The following MED24 variants were observed in gnomAD, a reference collection of about 807,000 sequenced individuals.
The protein encoded by MED24 is mediator complex subunit 24.
Under a neutral mutation model 118.8 loss-of-function variants are expected in MED24, and 74 were observed. The observed-to-expected ratio is 0.62, with a 90% CI of 0.52 to 0.76. The LOEUF is 0.76. Among genes scored for constraint, MED24 ranks in the 30% least tolerant of loss-of-function variants. The pLI is 0.00. For missense variants in MED24, 1,041 were observed against 1,278.9 expected, an observed-to-expected ratio of 0.81 and a Z score of 2.84; for synonymous variants, 521 against 523.9, an observed-to-expected ratio of 0.99 and a Z score of 0.08.
Position 40,023,311 on chromosome 17 carries a change from G to A in MED24, c.2070C>T (p.Thr690=), listed in dbSNP as rs73305019. The A allele has an allele frequency of 1.1e-3, 1,854 of 1,614,018 alleles. 27 individuals are homozygous for A. The African/African-American group carries it at 0.021, about 18-fold the overall frequency. The change falls in exon 20 of 26, where the codon ACC becomes ACT. Residue 690 remains threonine, a synonymous_variant. Transcript: ENST00000394128. The part of the protein sequence containing the change: ...QTATQIKFPS[T]GVDTMPYWNL... ...TCCAGTAGGGCATTGTGTCCACCCC[G>A]GTGGAGGGAAACTTGATCTGCGTGG... is the stretch of plus-strand genomic sequence containing the variant.
Position 40,022,727 on chromosome 17 carries a change from G to A in MED24, c.2350C>T (p.Leu784=), listed in dbSNP as rs1711840675. 1 of 1,613,950 alleles carries A rather than the reference G, an allele frequency of 6.2e-7. No homozygotes were observed. The highest frequency in any genetic ancestry group is 8.5e-7 in the Non-Finnish European group (1 of 1,179,976). Residue 784 remains leucine (L), a synonymous_variant, in exon 21 of 26, where the codon CTG becomes TTG. Transcript: ENST00000394128. ...AGCAGGCCAGGTAGGATGTGGCCCA[G>A]CAGGACCAGGGTCACTTGCTGCATG... ...LDMQQVTLVL[L]GHILPGLLTD...
In MED24 at chr17:40,032,736, C is replaced by T. The variant is rs1165397910; in HGVS notation, c.849G>A (p.Leu283=). 1.2e-6 allele frequency: 2 copies of T among 1,613,696 alleles called. No individual in the cohort carries two copies. Among genetic ancestry groups the T allele is most frequent in the African/African-American group, 2.7e-5 (2 of 74,892 alleles). Residue 283 remains leucine (L), a synonymous_variant, in exon 9 of 26, where the codon CTG becomes CTA. Coordinates refer to ENST00000394128, the MANE Select transcript of MED24 (RefSeq NM_014815.4). Reference sequence around the variant, plus strand: ...CCACGAAGCAAGCTTTCCAGATCTCCAGGACAAAAAGTGGGGTGGGGATAT... The same window carrying T: ...CCACGAAGCAAGCTTTCCAGATCTCTAGGACAAAAAGTGGGGTGGGGATAT... ...MQHIPTPLFV[L]EIWKACFVGL...
Position 40,048,065 on chromosome 17 carries a change from T to C in MED24, c.213+5233A>G, listed in dbSNP as rs79661439. ...GTATGTTATGCTATGTTAATTAAAATATGTATATTTTTACGGAAGTCTTGT... is the reference window on the plus strand; with the variant it reads ...GTATGTTATGCTATGTTAATTAAAACATGTATATTTTTACGGAAGTCTTGT... On this transcript the variant is annotated intron_variant, in intron 3 of 25. Transcript: ENST00000394128. 4.1e-4 allele frequency among the ~76,000 whole-genome samples: 62 copies of C among 152,392 alleles called. 1 individual carries two copies. In the East Asian group the frequency reaches 0.012, roughly 29 times the overall value.
At chr17:40,035,651 T>TAGG in intron 5 of MED24, 71 bp downstream of exon 5, 4 of 1,524,896 alleles carry the variant, frequency 2.6e-6, no homozygotes, top group Non-Finnish European at 3.6e-6. Context: ...GTCTGTGTGC[T>TAGG]AGGAGCTGCA....
At position 40,022,449 on chromosome 17, in the gene MED24, G is replaced by A. The variant is rs374553629; in HGVS notation, c.2468C>T (p.Ser823Phe). 5 of 1,610,708 alleles carry A rather than the reference G, an allele frequency of 3.1e-6. No homozygotes were observed. The African/African-American group carries it at 6.7e-5, about 22-fold the overall frequency. Residue 823 changes from serine to phenylalanine, a missense_variant, in exon 22 of 26, where the codon TCC becomes TTC. Coordinates refer to ENST00000394128, the MANE Select transcript of MED24 (RefSeq NM_014815.4). ...AVWCALSSYS[S>F]HKGQASTRQK... Reference sequence around the variant, plus strand: ...GCGGGTGGACGCCTGTCCCTTGTGGGAGGAGTAGGAACTGAGGGCACACCA... The same window carrying A: ...GCGGGTGGACGCCTGTCCCTTGTGGAAGGAGTAGGAACTGAGGGCACACCA...
In MED24 at chr17:40,026,207, T is replaced by C. The variant is rs200910791; in HGVS notation, c.1934A>G (p.Gln645Arg). 3.1e-6 allele frequency: 5 copies of C among 1,614,232 alleles called. No individual in the cohort carries two copies. The highest frequency in any genetic ancestry group is 4.2e-6 in the Non-Finnish European group (5 of 1,180,052). ...EREKSLQMIRQLAGPLFSENT... is the reference protein window; with the variant it reads ...EREKSLQMIRRLAGPLFSENT... ...CTCACTAAACAGTGGCCCTGCCAGC[T>C]GGCGGATCATCTGCAGCGACTTCTC... Residue 645 changes from glutamine (Q) to arginine (R), a missense_variant, in exon 19 of 26, where the codon CAG becomes CGG. Coordinates refer to ENST00000394128, the MANE Select transcript of MED24 (RefSeq NM_014815.4).
At chr17:40,040,405 G>A (rs2144947266) in intron 3 of MED24, among the ~76,000 whole-genome samples, 2 of 151,940 alleles carry the variant, frequency 1.3e-5, no homozygotes, top group Middle Eastern at 6.8e-3. Context: ...TTGCAGAGAT[G>A]GGGTTTTGCC....
In MED24 at chr17:40,031,564, C is replaced by G. The variant is rs1463974420; in HGVS notation, c.1041G>C (p.Leu347Phe). The change falls in exon 11 of 26, where the codon TTG becomes TTC. Residue 347 changes from leucine to phenylalanine, a missense_variant. Around this residue, in one of 3 missense-constraint regions of MED24, gnomAD observed 434 missense variants for 514.9 expected, o/e 0.84. Coordinates refer to ENST00000394128, the MANE Select transcript of MED24 (RefSeq NM_014815.4). ...AFEFLLKLTP[L>F]LDKADQRCNC... ...TGCAGCGCTGGTCAGCTTTGTCCAACAAGGGGGTGAGCTTCAGCAGGAACT... is the reference window on the plus strand; with the variant it reads ...TGCAGCGCTGGTCAGCTTTGTCCAAGAAGGGGGTGAGCTTCAGCAGGAACT... The G allele has an allele frequency of 6.2e-7, 1 of 1,614,204 alleles. No homozygotes were observed. The highest frequency in any genetic ancestry group is 8.5e-7 in the Non-Finnish European group (1 of 1,180,030).
intron 3 of MED24, among the ~76,000 whole-genome samples, chr17:40,044,466 G>A (rs1347383661): frequency 2.0e-5 from 3 of 151,818 alleles, no homozygotes; most frequent in African/African-American, 4.8e-5. Context: ...GTTGCAGTGA[G>A]CCAAGATTAT....
intron 3 of MED24, among the ~76,000 whole-genome samples, chr17:40,050,151 CAAAAA>C (rs530636875): frequency 2.7e-5 from 2 of 74,080 alleles, no homozygotes; most frequent in African/African-American, 5.5e-5. Context: ...AACTCCGTCT[CAAAAA>C]AAAAAAAAAA....
Position 40,020,286 on chromosome 17 carries a change from C to T in MED24, c.2691G>A (p.Leu897=). ...QLHTVNMRDP[L]NRVLANLFLL... The stretch of plus-strand genomic sequence containing the variant: ...TGGGGAACTCACCCAGGACTCGGTT[C>T]AGAGGGTCCCGCATGTTGACCGTGT... Residue 897 remains leucine (L), a synonymous_variant, in exon 24 of 26, where the codon CTG becomes CTA. Transcript: ENST00000394128. The T allele has an allele frequency of 6.4e-7, 1 of 1,559,132 alleles. No individual in the cohort carries two copies. Among genetic ancestry groups the T allele is most frequent in the Non-Finnish European group, 8.7e-7 (1 of 1,153,016 alleles).
chr17:40,036,161 A>G lies in MED24; in HGVS notation c.214-7T>C. On this transcript the variant is annotated splice_region_variant and splice_polypyrimidine_tract_variant and intron_variant, in intron 3 of 25. Coordinates refer to ENST00000394128, the MANE Select transcript of MED24 (RefSeq NM_014815.4). ...CAGAAGAGTAGGACACCATCTGGAG[A>G]GAAGGAAGAAAGATAATCTTTAGAC... is the stretch of plus-strand genomic sequence containing the variant. The G allele has an allele frequency of 1.2e-6, 2 of 1,609,158 alleles. No homozygotes were observed. Among genetic ancestry groups the G allele is most frequent in the Non-Finnish European group, 1.7e-6 (2 of 1,175,484 alleles).
chr17:40,033,128 G>C lies in MED24; in HGVS notation c.750C>G (p.Leu250=), dbSNP rs751559929. The C allele has an allele frequency of 1.1e-5, 18 of 1,614,010 alleles. No homozygotes were observed. In the Admixed American group the frequency reaches 1.3e-4, roughly 12 times the overall value. Residue 250 remains leucine, a synonymous_variant, in exon 8 of 26, where the codon CTC becomes CTG. Transcript: ENST00000394128. The surrounding 1 kb of genome is among the most constrained non-coding windows in gnomAD (Gnocchi z 5.2). ...CGCCTGTCAGGTTCATGGTGCCCTC[G>C]AGCAGGATCACGGCGTGGACAGTGG... The part of the protein sequence containing the change: ...GFPTVHAVIL[L]EGTMNLTGET...
At chr17:40,028,724 TG>T (rs957956433) in intron 14 of MED24, 101 bp downstream of exon 14, 39 of 1,500,810 alleles carry the variant, frequency 2.6e-5, no homozygotes, top group Non-Finnish European at 3.5e-5. Context: ...CGTGGGTCTC[TG>T]GATGAGACCC....
intron 3 of MED24, among the ~76,000 whole-genome samples, chr17:40,041,946 T>C (rs1984605782): frequency 2.6e-5 from 4 of 152,220 alleles, no homozygotes; most frequent in African/African-American, 9.6e-5. Flanking sequence ...AGAACACAGC[T>C]ATACCCATTT....
At chr17:40,026,626 C>T in intron 18 of MED24, 21 bp downstream of exon 18, 2 of 1,587,118 alleles carry the variant, frequency 1.3e-6, no homozygotes, top group African/African-American at 1.3e-5. Context: ...GGAGCAAACG[C>T]TGCTGGGAAG....
chr17:40,020,515 C>G (rs753885056), intron 23 of MED24, 162 bp from the exon 24 acceptor site: 2 of 1,490,770 alleles, frequency 1.3e-6, no homozygotes, highest in Non-Finnish European at 9.1e-7. Flanking sequence ...AGGCCAGGTA[C>G]AGTGGCTCAC....
chr17:40,034,902 T>A (rs1235028309), intron 6 of MED24: 5 of 940,978 alleles, frequency 5.3e-6, no homozygotes, highest in African/African-American at 2.0e-5. Context: ...TATACAACAA[T>A]GCTCAGTAAA....
intron 19 of MED24, 80 bp downstream of exon 19, chr17:40,026,074 AAG>A (rs1982611362): frequency 6.9e-7 from 1 of 1,446,038 alleles, no homozygotes; most frequent in African/African-American, 1.4e-5. Flanking sequence ...AAGGTCAGAA[AAG>A]AGAGGGGTGC....
Sources: gnomAD v4.1 joint callset for allele counts (sites outside exome capture counted in the v4.1 genomes callset) on GRCh38, gnomAD v4.1.1 for gene constraint, gnomAD v4.1.1 regional missense constraint, Gnocchi (gnomAD v3.1) non-coding constraint, MANE v1.5 for transcripts, NCBI Gene and HGNC (gene_info 2026-07-23, HGNC 2026-07-21) for gene names.